The following ZFYVE9 variants were observed in gnomAD, a reference collection of about 807,000 sequenced individuals.
ZFYVE9 encodes the protein zinc finger FYVE domain-containing protein 9.
ZFYVE9 carries 43 observed loss-of-function variants against 126.7 expected under a neutral mutation model. The observed-to-expected ratio is 0.34, with a 90% CI of 0.27 to 0.44. ZFYVE9 has a LOEUF of 0.44. Among genes scored for constraint, ZFYVE9 ranks in the 20% least tolerant of loss-of-function variants. ZFYVE9 has a pLI of 1.00. For synonymous variants in ZFYVE9, 521 were observed against 597.4 expected, an observed-to-expected ratio of 0.87 and a Z score of 1.87; for missense variants, 1,476 against 1,697.0, an observed-to-expected ratio of 0.87 and a Z score of 2.29.
chr1:52,204,735 A>G (rs932995362), intron 1 of ZFYVE9, among the ~76,000 whole-genome samples: 1 of 152,144 alleles, frequency 6.6e-6, no homozygotes, highest in South Asian at 2.1e-4. Flanking sequence ...TCAAAAAAAA[A>G]AGAAAAGAAA....
intron 17 of ZFYVE9, among the ~76,000 whole-genome samples, chr1:52,341,499 G>A (rs904108037): frequency 6.6e-5 from 10 of 152,022 alleles, no homozygotes; most frequent in Non-Finnish European, 1.0e-4. Context: ...AATAAAATAC[G>A]AAAAAAATTT....
Position 52,148,947 on chromosome 1 carries a change from A to ATTTTTTT in ZFYVE9, c.-143+6573_-143+6579dup, listed in dbSNP as rs56300233. 5.0e-4 allele frequency among the ~76,000 whole-genome samples: 17 copies of ATTTTTTT among 34,260 alleles called. 1 individual carries two copies. The highest frequency in any genetic ancestry group is 7.1e-4 in the African/African-American group (8 of 11,200). The allele number at this position is 34,260 out of a possible 152,430, so 22.5% of individuals were successfully genotyped here. On this transcript the variant is annotated intron_variant, in intron 1 of 18. Coordinates refer to ENST00000287727, the MANE Select transcript of ZFYVE9 (RefSeq NM_004799.4). ...AGCCACTGTTCCCAGCCTTAACATGATTTTTTTTTTTTTTTTTTTTTTTTT... is the reference window on the plus strand; with the variant it reads ...AGCCACTGTTCCCAGCCTTAACATGATTTTTTTTTTTTTTTTTTTTTTTTTTTTTTTT...
chr1:52,342,720 GA>G (rs901040496), intron 17 of ZFYVE9, among the ~76,000 whole-genome samples: 5 of 151,944 alleles, frequency 3.3e-5, no homozygotes, highest in Non-Finnish European at 5.9e-5. Context: ...ATTTTTAGTA[GA>G]CAGGGTTTCA....
rs1211908751 is a variant in ZFYVE9 at position 52,164,632 on chromosome 1, TTGTC to T, written c.-143+22230_-143+22233del. Among the ~76,000 whole-genome samples the T allele has an allele frequency of 5.9e-5, 9 of 152,040 alleles. No homozygotes were observed. The South Asian group carries it at 1.2e-3, about 21-fold the overall frequency. ...CCCAGCTGACAATGAGTATATATCT[TTGTC>T]CGTCCGTCCATCCGTCCATCCATCC... On this transcript the variant is annotated intron_variant, in intron 1 of 18. Coordinates refer to ENST00000287727, the MANE Select transcript of ZFYVE9 (RefSeq NM_004799.4).
intron 13 of ZFYVE9, among the ~76,000 whole-genome samples, chr1:52,331,668 C>T (rs1002926925): frequency 6.7e-5 from 10 of 149,378 alleles, no homozygotes; most frequent in Non-Finnish European, 1.0e-4. Flanking sequence ...AGGAGAATGG[C>T]GTGAACCCAG....
chr1:52,301,783 A>T (rs1017072001), intron 12 of ZFYVE9, among the ~76,000 whole-genome samples: 6 of 152,034 alleles, frequency 3.9e-5, no homozygotes, highest in African/African-American at 1.4e-4. Flanking sequence ...CCTGAAGGAG[A>T]TTACTCCAAT....
At chr1:52,153,257 TCA>T (rs1190179132) in intron 1 of ZFYVE9, among the ~76,000 whole-genome samples, 2 of 152,214 alleles carry the variant, frequency 1.3e-5, no homozygotes, top group Non-Finnish European at 2.9e-5. Context: ...ATCCATATCT[TCA>T]CAGTTTCTGA....
rs562599579 is a variant in ZFYVE9, at chr1:52,182,602, A to G, written c.-142-33767A>G. Among the ~76,000 whole-genome samples the G allele has an allele frequency of 3.2e-4, 49 of 152,044 alleles. 2 individuals are homozygous for G. The East Asian group carries it at 8.3e-3, about 26-fold the overall frequency. On this transcript the variant is annotated intron_variant, in intron 1 of 18. Transcript: ENST00000287727. ...TCCCTAATCTCAAGTACCCAGGGACACAAACACTGCGGAAGGCTGCAGGGT... is the reference window on the plus strand; with the variant it reads ...TCCCTAATCTCAAGTACCCAGGGACGCAAACACTGCGGAAGGCTGCAGGGT...
At chr1:52,345,398 A>G (rs542756962) in intron 18 of ZFYVE9, among the ~76,000 whole-genome samples, 2 of 152,288 alleles carry the variant, frequency 1.3e-5, no homozygotes, top group South Asian at 2.1e-4. Flanking sequence ...ATGAGGAGAA[A>G]CTGGTTCCTG....
intron 4 of ZFYVE9, among the ~76,000 whole-genome samples, chr1:52,255,976 C>CTTTTCT (rs1491279009): frequency 9.7e-6 from 1 of 102,612 alleles, no homozygotes; most frequent in African/African-American, 3.9e-5. Flanking sequence ...TTCTTTCTTT[C>CTTTTCT]TTTCTTTCCT....
intron 10 of ZFYVE9, among the ~76,000 whole-genome samples, chr1:52,282,958 G>C (rs1645819265): frequency 1.3e-5 from 2 of 152,166 alleles, no homozygotes; most frequent in African/African-American, 4.8e-5. Context: ...GTAAAAGATT[G>C]TGCCTTTATG....
At chr1:52,345,602 G>C (rs186534143) in intron 18 of ZFYVE9, 4 of 155,000 alleles carry the variant, frequency 2.6e-5, no homozygotes, top group Admixed American at 1.9e-4. Flanking sequence ...TGAGCCTCTT[G>C]AGGGCAGGGC....
intron 1 of ZFYVE9, among the ~76,000 whole-genome samples, chr1:52,167,149 A>G (rs770628859): frequency 2.0e-5 from 3 of 152,180 alleles, no homozygotes; most frequent in Non-Finnish European, 4.4e-5. Context: ...CAGGATTGCT[A>G]TAGTTTAGGC....
chr1:52,181,341 TC>T (rs937334252), intron 1 of ZFYVE9, among the ~76,000 whole-genome samples: 2 of 152,240 alleles, frequency 1.3e-5, no homozygotes, highest in African/African-American at 4.8e-5. Flanking sequence ...AGCCTCGGCC[TC>T]CCGAGGTGCT....
chr1:52,224,259 C>T (rs1008269050), intron 2 of ZFYVE9, among the ~76,000 whole-genome samples: 5 of 151,914 alleles, frequency 3.3e-5, no homozygotes, highest in Non-Finnish European at 7.4e-5. Flanking sequence ...GTGGCATGGC[C>T]CATGGGGCAG....
chr1:52,251,059 G>GTTGT (rs1553128809), intron 4 of ZFYVE9, among the ~76,000 whole-genome samples: 191 of 98,448 alleles, frequency 1.9e-3, no homozygotes, highest in African/African-American at 6.7e-3. Flanking sequence ...TGTTGTTGTT[G>GTTGT]TTGTTTGTTT....
chr1:52,335,743 A>G (rs1646382516), intron 15 of ZFYVE9, among the ~76,000 whole-genome samples: 1 of 152,222 alleles, frequency 6.6e-6, no homozygotes, highest in Non-Finnish European at 1.5e-5. Flanking sequence ...GAAAAATGAG[A>G]TGGGAGATAT....
At chr1:52,276,029 T>G (rs1645745273) in intron 8 of ZFYVE9, among the ~76,000 whole-genome samples, 1 of 151,192 alleles carries the variant, frequency 6.6e-6, no homozygotes, top group Admixed American at 6.6e-5. Context: ...TGCCTCAGTC[T>G]CCTGAGTAGC....
At chr1:52,341,855 G>A (rs1646440097) in intron 17 of ZFYVE9, among the ~76,000 whole-genome samples, 1 of 152,220 alleles carries the variant, frequency 6.6e-6, no homozygotes, top group African/African-American at 2.4e-5. Context: ...TGCTTGCTAT[G>A]TAATGATTCG....
Sources: allele counts gnomAD v4.1 joint callset (sites outside exome capture counted in the v4.1 genomes callset), GRCh38; gene constraint gnomAD v4.1.1; transcripts MANE v1.5; gene names NCBI Gene and HGNC (gene_info 2026-07-23, HGNC 2026-07-21).